Variants in TBC1D2 observed in about 807,000 individuals in gnomAD.
TBC1D2 encodes the protein TBC1 domain family member 2.
A neutral mutation model predicts 91.1 loss-of-function variants in TBC1D2; 58 were observed. The observed-to-expected ratio is 0.64, with a 90% confidence interval of 0.52 to 0.79. TBC1D2 has a LOEUF of 0.79. Among genes scored for constraint, TBC1D2 ranks in the 30% least tolerant of loss-of-function variants. TBC1D2 has a pLI of 0.00. For missense variants in TBC1D2, 1,080 were observed against 1,208.3 expected (o/e 0.89, Z 1.57); for synonymous variants, 482 against 511.5 (o/e 0.94, Z 0.78).
intron 2 of TBC1D2, among the ~76,000 whole-genome samples, chr9:98,250,268 C>A (rs1231433727): frequency 6.6e-6 from 1 of 152,152 alleles, no homozygotes; most frequent in Non-Finnish European, 1.5e-5. Flanking sequence ...GAGGTGAGAT[C>A]AGGAGGGATG....
At chr9:98,236,127 T>G (rs1166699819) in intron 3 of TBC1D2, among the ~76,000 whole-genome samples, 1 of 152,102 alleles carries the variant, frequency 6.6e-6, no homozygotes, top group Non-Finnish European at 1.5e-5. Context: ...TCTTAAACTG[T>G]ATAGAGCTTT....
intron 6 of TBC1D2, 171 bp from the exon 7 acceptor site, chr9:98,213,389 A>G (rs1828898005): frequency 8.4e-6 from 12 of 1,425,674 alleles, no homozygotes; most frequent in Non-Finnish European, 1.1e-5. Context: ...ACCCTTCTCT[A>G]TTCTTGATGT....
intron 6 of TBC1D2, among the ~76,000 whole-genome samples, chr9:98,219,523 T>C (rs1041871410): frequency 6.6e-6 from 1 of 152,226 alleles, no homozygotes; most frequent in Admixed American, 6.5e-5. Context: ...TTCACTGTTG[T>C]GCAAACATTG....
In TBC1D2 at chr9:98,225,399, A is replaced by G. The variant is rs549950960; in HGVS notation, c.978+3553T>C. On this transcript the variant is annotated intron_variant, in intron 5 of 12. Coordinates refer to ENST00000465784, the MANE Select transcript of TBC1D2 (RefSeq NM_001267571.2). ...TCAACCTGTGGTTTAATATGACACC[A>G]GGGGGTACACAGGGAGTGCATTCAT... is the stretch of plus-strand genomic sequence containing the variant. Among the ~76,000 whole-genome samples, 13 of 152,344 alleles carry G rather than the reference A, an allele frequency of 8.5e-5. No homozygotes were observed. In the East Asian group the frequency reaches 2.5e-3, roughly 29 times the overall value.
rs767743275 is a variant in TBC1D2 at position 98,215,947 on chromosome 9, C to T, written c.1375-2729G>A. Among the ~76,000 whole-genome samples, 11 of 152,202 alleles carry T rather than the reference C, an allele frequency of 7.2e-5. 1 individual carries two copies. The highest frequency in any genetic ancestry group is 1.2e-4 in the Non-Finnish European group (8 of 68,040). On this transcript the variant is annotated intron_variant, in intron 6 of 12. Coordinates refer to ENST00000465784, the MANE Select transcript of TBC1D2 (RefSeq NM_001267571.2). Reference sequence around the variant, plus strand: ...TGTCCTTTGGTGTCTCCTGGCTACACGCATGCAGGCTTATGTGACCTCTCC... The same window carrying T: ...TGTCCTTTGGTGTCTCCTGGCTACATGCATGCAGGCTTATGTGACCTCTCC...
intron 2 of TBC1D2, among the ~76,000 whole-genome samples, chr9:98,244,888 AATACTT>A (rs551192314): frequency 1.4e-4 from 21 of 152,306 alleles, no homozygotes; most frequent in African/African-American, 5.1e-4. Context: ...AATGTGAATA[AATACTT>A]ATAAACAGGG....
At chr9:98,233,336 C>A in intron 4 of TBC1D2, 80 bp downstream of exon 4, 5 of 1,520,006 alleles carry the variant, frequency 3.3e-6, no homozygotes, top group Non-Finnish European at 4.4e-6. Context: ...AATGCTGGTT[C>A]GCTGGAAGGA....
In TBC1D2 at chr9:98,255,308, C is replaced by G. The variant is rs1829951389; in HGVS notation, c.234G>C (p.Leu78=). 1.2e-6 allele frequency: 2 copies of G among 1,614,128 alleles called. No homozygotes were observed. The highest frequency in any genetic ancestry group is 2.2e-5 in the East Asian group (1 of 44,902). Residue 78 remains leucine, a synonymous_variant, in exon 1 of 13, where the codon CTG becomes CTC. Transcript: ENST00000465784. ...CATCCTGAGCGGTCCGCGAGTAATA[C>G]AGCTGACATTTCCTTTCGTCGTAGA... ...WFFYDERKCQ[L]YYSRTAQDAN...
intron 2 of TBC1D2, among the ~76,000 whole-genome samples, chr9:98,251,463 T>C (rs1829872605): frequency 6.6e-6 from 1 of 152,178 alleles, no homozygotes; most frequent in African/African-American, 2.4e-5. Context: ...TGTGCAGGCA[T>C]TGTTCTAACC....
chr9:98,208,791 C>T lies in TBC1D2; in HGVS notation c.2027G>A (p.Arg676Gln), dbSNP rs368931607. The change falls in exon 9 of 13, where the codon CGG becomes CAG. Residue 676 changes from arginine (R) to glutamine (Q), a missense_variant. By Grantham distance (43) the Arg-to-Gln change is conservative. Transcript: ENST00000465784. ...AARQIELDLN[R>Q]TFPNNKHFTC... ...GAAGTGTTTGTTGTTGGGGAAGGTC[C>T]GGTTCAGGTCCAGCTCAATCTGGCG... is the stretch of plus-strand genomic sequence containing the variant. The T allele has an allele frequency of 6.0e-5, 95 of 1,593,882 alleles. No homozygotes were observed. The highest frequency in any genetic ancestry group is 7.4e-5 in the Non-Finnish European group (86 of 1,166,536).
At chr9:98,203,703 TTAC>T (rs1564231486) in intron 9 of TBC1D2, among the ~76,000 whole-genome samples, 1 of 152,164 alleles carries the variant, frequency 6.6e-6, no homozygotes, top group Admixed American at 6.5e-5. Context: ...CTTGGGCAAG[TTAC>T]TGAACCCCTG....
intron 1 of TBC1D2, 38 bp downstream of exon 1, chr9:98,255,133 TCA>T (rs1563994009): frequency 6.4e-7 from 1 of 1,568,320 alleles, no homozygotes; most frequent in East Asian, 2.3e-5. Context: ...AAAGGGGACC[TCA>T]CGCCGCTGGA....
intron 11 of TBC1D2, among the ~76,000 whole-genome samples, 162 bp from the exon 12 acceptor site, chr9:98,200,536 G>A (rs1828465536): frequency 6.6e-6 from 1 of 151,256 alleles, no homozygotes; most frequent in African/African-American, 2.4e-5. Flanking sequence ...CAGGGGGCTG[G>A]GGGAGACTGA....
chr9:98,206,790 G>T (rs1373612727), intron 9 of TBC1D2, among the ~76,000 whole-genome samples: 1 of 152,196 alleles, frequency 6.6e-6, no homozygotes, highest in Non-Finnish European at 1.5e-5. Context: ...ACCAGTGAAG[G>T]TTTTTGTGAG....
Position 98,255,120 on chromosome 9 carries a change from C to T in TBC1D2, c.369+53G>A. ...CACACTCGCGCCCAGCCTTGCCCTG[C>T]GAAAAGGGGACCTCACGCCGCTGGA... On this transcript the variant is annotated intron_variant, in intron 1 of 12. Coordinates refer to ENST00000465784, the MANE Select transcript of TBC1D2 (RefSeq NM_001267571.2). The T allele has an allele frequency of 2.6e-6, 4 of 1,555,630 alleles. No individual in the cohort carries two copies. The South Asian group carries it at 4.9e-5, about 19-fold the overall frequency.
intron 3 of TBC1D2, among the ~76,000 whole-genome samples, chr9:98,243,756 C>T (rs964501691): frequency 1.4e-4 from 21 of 152,100 alleles, no homozygotes; most frequent in African/African-American, 4.3e-4. Flanking sequence ...AGGCTGGTCT[C>T]GAACTCCTGA....
At position 98,218,691 on chromosome 9, in the gene TBC1D2, T is replaced by A. The variant is rs10985480; in HGVS notation, c.1374+2142A>T. 1.3e-5 allele frequency among the ~76,000 whole-genome samples: 2 copies of A among 152,042 alleles called. 1 individual carries two copies. Among genetic ancestry groups the A allele is most frequent in the Admixed American group, 1.3e-4 (2 of 15,272 alleles). ...GTCTGGAGCCACCTGGCTGATCTAG[T>A]GTTCTTTTTTTTCCTTTGAGATGGT... is the stretch of plus-strand genomic sequence containing the variant. On this transcript the variant is annotated intron_variant, in intron 6 of 12. Coordinates refer to ENST00000465784, the MANE Select transcript of TBC1D2 (RefSeq NM_001267571.2).
At chr9:98,222,073 C>T (rs1360403269) in intron 5 of TBC1D2, among the ~76,000 whole-genome samples, 1 of 152,180 alleles carries the variant, frequency 6.6e-6, no homozygotes, top group Non-Finnish European at 1.5e-5. Flanking sequence ...CTGACATATA[C>T]ACATCCATTT....
At chr9:98,204,116 TC>T (rs1342764175) in intron 9 of TBC1D2, among the ~76,000 whole-genome samples, 2 of 152,164 alleles carry the variant, frequency 1.3e-5, no homozygotes, top group Non-Finnish European at 2.9e-5. Flanking sequence ...AGGGAAGTCT[TC>T]CTGGGATAAG....
Sources: gnomAD v4.1 joint callset for allele counts (sites outside exome capture counted in the v4.1 genomes callset) on GRCh38, gnomAD v4.1.1 for gene constraint, MANE v1.5 for transcripts, NCBI Gene and HGNC (gene_info 2026-07-23, HGNC 2026-07-21) for gene names.